Variants in GABRB1 observed in about 807,000 individuals in gnomAD.
The protein encoded by GABRB1 is gamma-aminobutyric acid receptor subunit beta-1.
Under a neutral mutation model 51.6 loss-of-function variants are expected in GABRB1, and 17 were observed. That is an observed-to-expected ratio of 0.33 (90% CI 0.23 to 0.49). The LOEUF (loss-of-function observed/expected upper bound fraction) is 0.49, where lower values mean the gene tolerates loss of function less well. Among genes scored for constraint, GABRB1 ranks in the 20% least tolerant of loss-of-function variants. The pLI, the probability that GABRB1 is intolerant of heterozygous loss-of-function variation, is 0.99. For synonymous variants in GABRB1, 247 were observed against 218.9 expected (o/e 1.13, Z -1.14); for missense variants, 410 against 600.6 (o/e 0.68, Z 3.32).
rs574690040 is a variant in GABRB1, at chr4:47,266,873, G to T, written c.462-53254G>T. The stretch of plus-strand genomic sequence containing the variant: ...TGATGATCTGCTTAATGCTTTCTGT[G>T]GAGTGTTGAAGTCCCCCACTCTTAC... On this transcript the variant is annotated intron_variant, in intron 4 of 8. Transcript: ENST00000295454. 2.0e-5 allele frequency among the ~76,000 whole-genome samples: 3 copies of T among 151,808 alleles called. No individual in the cohort carries two copies. The East Asian group carries it at 5.8e-4, about 29-fold the overall frequency.
At chr4:47,048,632 T>C (rs1726205580) in intron 3 of GABRB1, among the ~76,000 whole-genome samples, 1 of 152,166 alleles carries the variant, frequency 6.6e-6, no homozygotes, top group African/African-American at 2.4e-5. Context: ...GCATGCCATG[T>C]CTCAGGTACC....
At chr4:47,392,223 A>T (rs1728022453) in intron 5 of GABRB1, among the ~76,000 whole-genome samples, 1 of 152,000 alleles carries the variant, frequency 6.6e-6, no homozygotes, top group Non-Finnish European at 1.5e-5. Context: ...CTAGTTGTTT[A>T]TGGAATTGCC....
Position 46,994,514 on chromosome 4 carries a change from C to CAG in GABRB1, c.-20+609_-20+610dup, listed in dbSNP as rs139375755. On this transcript the variant is annotated intron_variant, in intron 1 of 3. Coordinates refer to the GABRB1 transcript ENST00000513567. ...AGAGAGAGAGAGAGACAGAGAGAGA[C>CAG]AGAGAGAGAGAGAGAGAGAGAGGCA... The CAG allele has an allele frequency of 7.5e-3, 909 of 120,914 alleles. 4 individuals are homozygous for CAG. The highest frequency in any genetic ancestry group is 0.018 in the African/African-American group (568 of 31,084). 7.5% of individuals were successfully genotyped at this position (120,914 alleles called of 1,614,324 possible).
Position 47,195,557 on chromosome 4 carries a change from C to A in GABRB1, c.461+34088C>A, listed in dbSNP as rs1055074033. Among the ~76,000 whole-genome samples the A allele has an allele frequency of 2.0e-5, 3 of 152,036 alleles. No individual in the cohort carries two copies. The East Asian group carries it at 5.8e-4, about 29-fold the overall frequency. On this transcript the variant is annotated intron_variant, in intron 4 of 8. Coordinates refer to ENST00000295454, the MANE Select transcript of GABRB1 (RefSeq NM_000812.4). ...ATTTCTGGTTTTCAAATATTTCTACCACCTCATACTCCAAAATTAAAACTG... is the reference window on the plus strand; with the variant it reads ...ATTTCTGGTTTTCAAATATTTCTACAACCTCATACTCCAAAATTAAAACTG...
At chr4:47,135,481 G>A (rs1469089241) in intron 3 of GABRB1, among the ~76,000 whole-genome samples, 1 of 152,074 alleles carries the variant, frequency 6.6e-6, no homozygotes, top group African/African-American at 2.4e-5. Context: ...CAAAAGAAGA[G>A]ACGCCACTGA....
At chr4:47,241,372 T>A (rs1721513640) in intron 4 of GABRB1, among the ~76,000 whole-genome samples, 1 of 152,206 alleles carries the variant, frequency 6.6e-6, no homozygotes, top group African/African-American at 2.4e-5. Flanking sequence ...GTCATTATTG[T>A]GTGTTAGCAC....
At chr4:47,273,177 T>C (rs1342567079) in intron 4 of GABRB1, among the ~76,000 whole-genome samples, 1 of 152,204 alleles carries the variant, frequency 6.6e-6, no homozygotes, top group Non-Finnish European at 1.5e-5. Context: ...CTGTGCTGTA[T>C]TCTTGAACAT....
At chr4:47,199,478 C>T (rs1047507311) in intron 4 of GABRB1, among the ~76,000 whole-genome samples, 1 of 152,072 alleles carries the variant, frequency 6.6e-6, no homozygotes, top group African/African-American at 2.4e-5. Flanking sequence ...TCTTGTCTAA[C>T]AGAGTAACTC....
At chr4:47,080,799 G>C (rs185764106) in intron 3 of GABRB1, among the ~76,000 whole-genome samples, 3 of 152,164 alleles carry the variant, frequency 2.0e-5, no homozygotes, top group Non-Finnish European at 2.9e-5. Context: ...CAGTTCTGTG[G>C]GGAAGATGTT....
chr4:47,024,095 A>G (rs941507201), intron 1 of GABRB1, among the ~76,000 whole-genome samples: 8 of 151,892 alleles, frequency 5.3e-5, no homozygotes, highest in South Asian at 2.1e-4. Context: ...TTACATTTCA[A>G]TTTCATAAAT....
At chr4:47,139,865 T>C (rs539951218) in intron 3 of GABRB1, among the ~76,000 whole-genome samples, 1 of 152,104 alleles carries the variant, frequency 6.6e-6, no homozygotes, top group East Asian at 1.9e-4. Flanking sequence ...TGTAGGTCCA[T>C]GGGCCACACT....
rs370292420 is a variant in GABRB1 at position 47,110,522 on chromosome 4, A to AAAGC, written c.241-50726_241-50723dup. ...GTTTGTCAAATCTTTGCTTAATCAA[A>AAAGC]AAGCTATTTTAATTAAACAAGTTTC... On this transcript the variant is annotated intron_variant, in intron 3 of 8. Coordinates refer to ENST00000295454, the MANE Select transcript of GABRB1 (RefSeq NM_000812.4). Among the ~76,000 whole-genome samples the AAAGC allele has an allele frequency of 2.8e-4, 42 of 152,320 alleles. 1 individual carries two copies. Among genetic ancestry groups the AAAGC allele is most frequent in the African/African-American group, 9.6e-4 (40 of 41,594 alleles).
At chr4:47,305,927 T>C (rs1481957555) in intron 4 of GABRB1, among the ~76,000 whole-genome samples, 2 of 152,178 alleles carry the variant, frequency 1.3e-5, no homozygotes, top group Non-Finnish European at 2.9e-5. Context: ...ATTTTTCTTT[T>C]TTTAAATATC....
At chr4:47,319,199 T>C (rs1724985371) in intron 4 of GABRB1, among the ~76,000 whole-genome samples, 1 of 152,176 alleles carries the variant, frequency 6.6e-6, no homozygotes, top group Non-Finnish European at 1.5e-5. Context: ...GCTCTGAATA[T>C]ACTGTAGTAC....
rs184465638 is a variant in GABRB1 at position 47,421,587 on chromosome 4, C to A, written c.1081-4087C>A. Among the ~76,000 whole-genome samples the A allele has an allele frequency of 1.1e-4, 17 of 152,180 alleles. No homozygotes were observed. The East Asian group carries it at 3.3e-3, about 29-fold the overall frequency. On this transcript the variant is annotated intron_variant, in intron 8 of 8. Transcript: ENST00000295454. ...ATTTATAGATAAGGGATCTGAGACCCAGACTTATCCAAGTCCATTTCTGAG... is the reference window on the plus strand; with the variant it reads ...ATTTATAGATAAGGGATCTGAGACCAAGACTTATCCAAGTCCATTTCTGAG...
chr4:47,253,717 G>C (rs986730222), intron 4 of GABRB1, among the ~76,000 whole-genome samples: 1 of 152,132 alleles, frequency 6.6e-6, no homozygotes, highest in Non-Finnish European at 1.5e-5. Flanking sequence ...ATATACAAAT[G>C]ATTCATTAAA....
intron 3 of GABRB1, among the ~76,000 whole-genome samples, chr4:47,123,839 A>G (rs1329535899): frequency 1.2e-5 from 1 of 86,502 alleles, no homozygotes; most frequent in Non-Finnish European, 2.1e-5. Flanking sequence ...TATATATTAT[A>G]TTATATATAT....
chr4:47,165,757 A>G (rs1718156492), intron 4 of GABRB1, among the ~76,000 whole-genome samples: 1 of 152,068 alleles, frequency 6.6e-6, no homozygotes, highest in African/African-American at 2.4e-5. Context: ...TTGCTCACTG[A>G]GCACCTGTAT....
chr4:47,052,871 C>T (rs920757114), intron 3 of GABRB1, among the ~76,000 whole-genome samples: 1 of 152,164 alleles, frequency 6.6e-6, no homozygotes, highest in African/African-American at 2.4e-5. Flanking sequence ...AGCGAGCAAG[C>T]AAGCTGAGAT....
Sources: gnomAD v4.1 joint callset for allele counts (sites outside exome capture counted in the v4.1 genomes callset) on GRCh38, gnomAD v4.1.1 for gene constraint, MANE v1.5 for transcripts, NCBI Gene and HGNC (gene_info 2026-07-23, HGNC 2026-07-21) for gene names.